DNAJC3: variants seen among roughly 807,000 people sequenced by gnomAD.
DNAJC3 encodes dnaJ homolog subfamily C member 3.
Under a neutral mutation model 68.6 loss-of-function variants are expected in DNAJC3, and 38 were observed. The observed-to-expected ratio is 0.55, with a 90% CI of 0.43 to 0.73. The LOEUF (loss-of-function observed/expected upper bound fraction) is 0.73, where lower values mean the gene tolerates loss of function less well. Ranked by LOEUF, DNAJC3 falls within the 30% of genes least tolerant of loss-of-function variation. DNAJC3 has a pLI of 0.00. For missense variants in DNAJC3, 526 were observed against 591.9 expected (o/e 0.89, Z 1.16); for synonymous variants, 203 against 204.0 (o/e 1.00, Z 0.04).
At chr13:95,755,756 CAAAAAA>C (rs56659621) in intron 4 of DNAJC3, among the ~76,000 whole-genome samples, 2 of 15,096 alleles carry the variant, frequency 1.3e-4, no homozygotes, top group South Asian at 2.5e-3. Flanking sequence ...GACGCCGTCT[CAAAAAA>C]AAAAAAAAAA....
chr13:95,781,810 T>G (rs112820984), intron 9 of DNAJC3, among the ~76,000 whole-genome samples: 2,259 of 143,518 alleles, frequency 0.016, 60 homozygotes, highest in African/African-American at 0.054. Context: ...TGTGTGTGTG[T>G]TTTTTTTTTT....
At chr13:95,785,844 G>C in intron 9 of DNAJC3, 95 bp from the exon 10 acceptor site, 1 of 1,188,382 alleles carries the variant, frequency 8.4e-7, no homozygotes, top group Non-Finnish European at 1.1e-6. Context: ...TGAAGGGGTT[G>C]GGGGATGACG....
At chr13:95,759,924 C>A in intron 5 of DNAJC3, 116 bp from the exon 6 acceptor site, 1 of 1,033,150 alleles carries the variant, frequency 9.7e-7, no homozygotes, top group Non-Finnish European at 1.4e-6. Flanking sequence ...TATAAGTCAT[C>A]ACATCAATTG....
chr13:95,734,160 G>T (rs956346746), intron 4 of DNAJC3, among the ~76,000 whole-genome samples: 14 of 152,168 alleles, frequency 9.2e-5, no homozygotes, highest in Non-Finnish European at 1.5e-4. Context: ...TTTCATGACA[G>T]TAGATATTGT....
intron 2 of DNAJC3, among the ~76,000 whole-genome samples, chr13:95,712,786 T>C (rs1348099173): frequency 6.6e-6 from 1 of 152,222 alleles, no homozygotes; most frequent in Non-Finnish European, 1.5e-5. Flanking sequence ...ATATACAAGA[T>C]TATGTTATTG....
At chr13:95,753,532 TTAAA>T (rs1283107508) in intron 4 of DNAJC3, among the ~76,000 whole-genome samples, 1 of 152,194 alleles carries the variant, frequency 6.6e-6, no homozygotes, top group Non-Finnish European at 1.5e-5. Flanking sequence ...AAAACATTAA[TTAAA>T]TAGAATTAGA....
At chr13:95,716,769 C>G (rs1208661740) in intron 2 of DNAJC3, among the ~76,000 whole-genome samples, 1 of 152,198 alleles carries the variant, frequency 6.6e-6, no homozygotes, top group Non-Finnish European at 1.5e-5. Context: ...TGCTCTTCTT[C>G]TCCTCTAGAC....
Position 95,760,139 on chromosome 13 carries a change from A to G in DNAJC3, c.646A>G (p.Lys216Glu), listed in dbSNP as rs1407515646. 1.9e-6 allele frequency: 3 copies of G among 1,613,040 alleles called. No individual in the cohort carries two copies. Among genetic ancestry groups the G allele is most frequent in the Non-Finnish European group, 1.7e-6 (2 of 1,179,466 alleles). ...TATAAGTGACTTAAAAGCTGCGTCA[A>G]AGTTGAAGAATGATAATACTGAAGC... ...KAISDLKAASKLKNDNTEAFY... is the reference protein window; with the variant it reads ...KAISDLKAASELKNDNTEAFY... Residue 216 changes from lysine (K) to glutamate (E), a missense_variant, in exon 6 of 12, where the codon AAG (lysine) becomes GAG (glutamate). Coordinates refer to ENST00000602402, the MANE Select transcript of DNAJC3 (RefSeq NM_006260.5).
intron 4 of DNAJC3, among the ~76,000 whole-genome samples, chr13:95,754,500 C>T (rs574357670): frequency 2.6e-5 from 4 of 152,116 alleles, no homozygotes; most frequent in African/African-American, 7.2e-5. Flanking sequence ...ACCTCTCTTA[C>T]CTTATAGTAG....
chr13:95,709,460 T>C, intron 2 of DNAJC3, 123 bp downstream of exon 2: 1 of 710,618 alleles, frequency 1.4e-6, no homozygotes, highest in East Asian at 3.3e-5. Context: ...TTTAAATATA[T>C]TTGTGGGATT....
At chr13:95,748,290 T>G (rs1186795008) in intron 4 of DNAJC3, among the ~76,000 whole-genome samples, 3 of 152,230 alleles carry the variant, frequency 2.0e-5, no homozygotes, top group Non-Finnish European at 2.9e-5. Flanking sequence ...ATATATTAGG[T>G]AAATAATGGT....
intron 1 of DNAJC3, chr13:95,694,540 A>G (rs140879703): frequency 4.7e-4 from 72 of 152,712 alleles, no homozygotes; most frequent in African/African-American, 1.7e-3. Context: ...AGGAAAAATA[A>G]TCATTGTACT....
intron 4 of DNAJC3, chr13:95,743,063 ACCTT>A (rs1882197926): frequency 5.6e-6 from 2 of 357,632 alleles, no homozygotes; most frequent in Non-Finnish European, 1.1e-5. Flanking sequence ...TTGCTTTTGC[ACCTT>A]ATTCAAAAAT....
intron 4 of DNAJC3, among the ~76,000 whole-genome samples, chr13:95,726,576 T>A (rs1478631150): frequency 6.6e-6 from 1 of 152,222 alleles, no homozygotes; most frequent in African/African-American, 2.4e-5. Context: ...TATGGCTGCT[T>A]TACAAAGTGT....
intron 4 of DNAJC3, among the ~76,000 whole-genome samples, chr13:95,741,525 C>T (rs1016215810): frequency 3.3e-5 from 5 of 152,148 alleles, no homozygotes; most frequent in African/African-American, 9.7e-5. Context: ...AGTGGGTCCA[C>T]GTGGACCAAT....
At position 95,739,249 on chromosome 13, in the gene DNAJC3, C is replaced by T. The variant is rs201898719; in HGVS notation, c.393+13997C>T. Among the ~76,000 whole-genome samples, 5 of 151,948 alleles carry T rather than the reference C, an allele frequency of 3.3e-5. No individual in the cohort carries two copies. In the East Asian group the frequency reaches 9.6e-4, roughly 29 times the overall value. On this transcript the variant is annotated intron_variant, in intron 4 of 11. Transcript: ENST00000602402. ...TAACCCGACCTTCCTCTCTGGCTGC[C>T]CTTAACATTTTTTCCTTCATTTCAA... is the stretch of plus-strand genomic sequence containing the variant.
intron 4 of DNAJC3, chr13:95,742,616 T>A: frequency 2.1e-6 from 1 of 486,488 alleles, no homozygotes; most frequent in Non-Finnish European, 4.1e-6. Context: ...CTCACTTCTC[T>A]CTTCTTCTTC....
intron 4 of DNAJC3, among the ~76,000 whole-genome samples, chr13:95,741,951 C>G (rs987541757): frequency 6.6e-6 from 1 of 152,122 alleles, no homozygotes; most frequent in African/African-American, 2.4e-5. Context: ...GTGATGTGTA[C>G]AGGTGCTGGC....
At chr13:95,785,627 T>A (rs1883578620) in intron 9 of DNAJC3, among the ~76,000 whole-genome samples, 2 of 150,316 alleles carry the variant, frequency 1.3e-5, no homozygotes, top group Non-Finnish European at 1.5e-5. Flanking sequence ...CCCGGCTAAT[T>A]TTTGTGTTTT....
Sources: allele counts gnomAD v4.1 joint callset (sites outside exome capture counted in the v4.1 genomes callset), GRCh38; gene constraint gnomAD v4.1.1; transcripts MANE v1.5; gene names NCBI Gene and HGNC (gene_info 2026-07-23, HGNC 2026-07-21).